Variants in MUSK observed in about 807,000 individuals in gnomAD.
MUSK encodes muscle, skeletal receptor tyrosine-protein kinase.
In MUSK, 55 loss-of-function variants were observed where a neutral mutation model predicts 88.7. The observed-to-expected ratio is 0.62, with a 90% confidence interval of 0.50 to 0.78. The LOEUF is 0.78. Among genes scored for constraint, MUSK ranks in the 30% least tolerant of loss-of-function variants. The probability of loss-of-function intolerance (pLI) is 0.00; values close to 1 mark genes in which losing one functional copy is unlikely to be tolerated. For missense variants in MUSK, 1,015 were observed against 1,074.3 expected, an observed-to-expected ratio of 0.94 and a Z score of 0.77; for synonymous variants, 387 against 391.9, an observed-to-expected ratio of 0.99 and a Z score of 0.15.
intron 5 of MUSK, 87 bp downstream of exon 5, chr9:110,697,553 A>G (rs1392903684): frequency 7.2e-7 from 1 of 1,386,290 alleles, no homozygotes; most frequent in Non-Finnish European, 9.7e-7. Flanking sequence ...GGGAGAGAAG[A>G]GATGTGGGCA....
chr9:110,739,965 A>T (rs1328957347), intron 6 of MUSK, among the ~76,000 whole-genome samples: 1 of 152,148 alleles, frequency 6.6e-6, no homozygotes, highest in Non-Finnish European at 1.5e-5. Flanking sequence ...CAATATATTA[A>T]TGGTACCATT....
intron 5 of MUSK, among the ~76,000 whole-genome samples, chr9:110,720,748 C>A (rs747854747): frequency 1.8e-4 from 27 of 152,068 alleles, no homozygotes; most frequent in Admixed American, 2.6e-4. Context: ...TCTATGAAGG[C>A]AGTATCACCC....
At chr9:110,682,945 T>TC (rs1438755049) in intron 2 of MUSK, 145 bp downstream of exon 2, 2 of 516,186 alleles carry the variant, frequency 3.9e-6, no homozygotes, top group Non-Finnish European at 6.6e-6. Flanking sequence ...GGGGTATCCA[T>TC]CCCCTCAAGC....
intron 3 of MUSK, among the ~76,000 whole-genome samples, chr9:110,694,395 A>AC (rs2076402032): frequency 1.4e-5 from 2 of 144,448 alleles, no homozygotes; most frequent in East Asian, 2.0e-4. Context: ...CAAAAAAAAA[A>AC]AAAAAAAAAA....
At chr9:110,767,010 T>C (rs1289217796) in intron 8 of MUSK, among the ~76,000 whole-genome samples, 1 of 152,240 alleles carries the variant, frequency 6.6e-6, no homozygotes, top group Non-Finnish European at 1.5e-5. Flanking sequence ...TCAGTTATTA[T>C]AGCAGATAAG....
At chr9:110,784,038 G>T (rs1346872246) in intron 11 of MUSK, among the ~76,000 whole-genome samples, 2 of 151,848 alleles carry the variant, frequency 1.3e-5, no homozygotes, top group African/African-American at 4.8e-5. Context: ...AATTTATTGA[G>T]ATTAATCCAC....
At chr9:110,761,158 C>T (rs941216307) in intron 7 of MUSK, among the ~76,000 whole-genome samples, 2 of 152,216 alleles carry the variant, frequency 1.3e-5, no homozygotes, top group Non-Finnish European at 2.9e-5. Context: ...GGTTATATCA[C>T]ACCCTTGCCG....
intron 14 of MUSK, among the ~76,000 whole-genome samples, chr9:110,798,009 A>G (rs2078036843): frequency 6.6e-6 from 1 of 152,152 alleles, no homozygotes; most frequent in Admixed American, 6.5e-5. Context: ...TTTATTGTCC[A>G]ACAAGAACTG....
At position 110,801,252 on chromosome 9, in the gene MUSK, TACAC is replaced by T. The variant is rs1276296921; in HGVS notation, c.*267_*270del. The T allele has an allele frequency of 1.5e-5, 5 of 339,070 alleles. No homozygotes were observed. The highest frequency in any genetic ancestry group is 2.7e-5 in the Non-Finnish European group (5 of 186,704). The allele number at this position is 339,070 out of a possible 1,614,324, so 21.0% of individuals were successfully genotyped here. ...TATTCTTCTTCATGAAGGTTTGTAA[TACAC>T]ACTGCACAGGGAAGAATGTCATCCT... On this transcript the variant is annotated 3_prime_UTR_variant, in exon 15 of 15. Transcript: ENST00000374448.
Position 110,802,068 on chromosome 9 carries a change from C to T in MUSK, c.*1080C>T, listed in dbSNP as rs1001756068. On this transcript the variant is annotated 3_prime_UTR_variant, in exon 15 of 15. Transcript: ENST00000374448. ...TTATAATATGAGATTTCACAAGATA[C>T]ACTTGTGGCTCTGAGTTATTTCAAA... 5.9e-5 allele frequency among the ~76,000 whole-genome samples: 9 copies of T among 152,154 alleles called. No homozygotes were observed. Among genetic ancestry groups the T allele is most frequent in the Non-Finnish European group, 1.0e-4 (7 of 68,040 alleles).
intron 5 of MUSK, among the ~76,000 whole-genome samples, chr9:110,716,706 CTT>C (rs2076748216): frequency 6.7e-6 from 1 of 149,936 alleles, no homozygotes; most frequent in African/African-American, 2.5e-5. Context: ...TCTCAATAGG[CTT>C]TAATTTGGAG....
intron 5 of MUSK, among the ~76,000 whole-genome samples, chr9:110,716,281 T>C (rs57126980): frequency 0.026 from 3,854 of 149,974 alleles, 528 homozygotes; most frequent in African/African-American, 0.087. Flanking sequence ...AACAGAGTGG[T>C]TTATATAATT....
intron 3 of MUSK, among the ~76,000 whole-genome samples, chr9:110,689,743 T>TATATATGATA (rs1417062202): frequency 8.1e-5 from 6 of 74,140 alleles, no homozygotes; most frequent in Admixed American, 2.0e-4. Flanking sequence ...ATATATAATA[T>TATATATGATA]TATATATTAT....
At position 110,802,224 on chromosome 9, in the gene MUSK, T is replaced by C. The variant is rs894227877; in HGVS notation, c.*1236T>C. 1.3e-5 allele frequency among the ~76,000 whole-genome samples: 2 copies of C among 148,962 alleles called. No individual in the cohort carries two copies. The highest frequency in any genetic ancestry group is 2.1e-4 in the South Asian group (1 of 4,692). On this transcript the variant is annotated 3_prime_UTR_variant, in exon 15 of 15. Coordinates refer to ENST00000374448, the MANE Select transcript of MUSK (RefSeq NM_005592.4). ...ACTGATTTTGTTGTATTTCATGATT[T>C]AAAAAAAAAAGCAGCAGCTCTGGAA...
rs149296909 is a variant in MUSK at position 110,717,718 on chromosome 9, T to C, written c.629-16533T>C. ...TTTACCCTGATCATTCAGGTGAACA[T>C]TGAAATCTAAGTTGACAGATATTTT... On this transcript the variant is annotated intron_variant, in intron 5 of 14. Coordinates refer to ENST00000374448, the MANE Select transcript of MUSK (RefSeq NM_005592.4). 4.6e-3 allele frequency among the ~76,000 whole-genome samples: 666 copies of C among 144,298 alleles called. 18 individuals carry two copies. The highest frequency in any genetic ancestry group is 0.042 in the Middle Eastern group (12 of 286). 94.7% of individuals were successfully genotyped at this position (144,298 alleles called of 152,430 possible). A position where few individuals can be genotyped will look rare whatever the true frequency, so the allele number is the denominator to read the frequency against.
At chr9:110,779,270 C>T (rs1271966053) in intron 11 of MUSK, among the ~76,000 whole-genome samples, 1 of 152,090 alleles carries the variant, frequency 6.6e-6, no homozygotes, top group Non-Finnish European at 1.5e-5. Flanking sequence ...TCCATTTTCC[C>T]TCCTGAATTT....
chr9:110,762,189 T>C lies in MUSK; in HGVS notation c.914-13T>C, dbSNP rs908835164. Reference sequence around the variant, plus strand: ...ATTTGACTTCCTGTGGGAACTTCCTTTCCTGTTAATAGAATGGAGGTAAGA... The same window carrying C: ...ATTTGACTTCCTGTGGGAACTTCCTCTCCTGTTAATAGAATGGAGGTAAGA... On this transcript the variant is annotated splice_polypyrimidine_tract_variant and intron_variant, in intron 7 of 14. Transcript: ENST00000374448. 1.4e-6 allele frequency: 2 copies of C among 1,444,010 alleles called. No individual in the cohort carries two copies. Among genetic ancestry groups the C allele is most frequent in the Non-Finnish European group, 1.8e-6 (2 of 1,093,798 alleles). The allele number at this position is 1,444,010 out of a possible 1,614,324, so 89.4% of individuals were successfully genotyped here. A position where few individuals can be genotyped will look rare whatever the true frequency, so the allele number is the denominator to read the frequency against.
At chr9:110,675,517 GGCCGCTACA>G (rs2076015303) in intron 1 of MUSK, among the ~76,000 whole-genome samples, 1 of 147,988 alleles carries the variant, frequency 6.8e-6, no homozygotes, top group African/African-American at 2.5e-5. Context: ...CACCGTGCCT[GGCCGCTACA>G]TTGCCTCTTA....
chr9:110,673,996 T>C (rs899290236), intron 1 of MUSK, among the ~76,000 whole-genome samples: 8 of 152,188 alleles, frequency 5.3e-5, no homozygotes, highest in Non-Finnish European at 1.0e-4. Flanking sequence ...ATTAGTAATC[T>C]TCCAAACGTC....
Sources: allele counts gnomAD v4.1 joint callset (sites outside exome capture counted in the v4.1 genomes callset), GRCh38; gene constraint gnomAD v4.1.1; transcripts MANE v1.5; gene names NCBI Gene and HGNC (gene_info 2026-07-23, HGNC 2026-07-21).